The following RASA2 variants were observed in gnomAD, a reference collection of about 807,000 sequenced individuals.
RASA2 encodes the protein ras GTPase-activating protein 2.
In RASA2, 155 loss-of-function variants were observed where a neutral mutation model predicts 118.2. That is an observed-to-expected ratio of 1.31 (90% CI 1.15 to 1.50). The LOEUF (loss-of-function observed/expected upper bound fraction) is 1.50, where lower values mean the gene tolerates loss of function less well. Among genes scored for constraint, RASA2 ranks in the 40% most tolerant of loss-of-function variants. The probability of loss-of-function intolerance (pLI) is 0.00; values close to 1 mark genes in which losing one functional copy is unlikely to be tolerated. For synonymous variants in RASA2, 353 were observed against 349.1 expected, an observed-to-expected ratio of 1.01 and a Z score of -0.12; for missense variants, 1,016 against 1,009.6, an observed-to-expected ratio of 1.01 and a Z score of -0.09.
At chr3:141,490,049 A>G (rs1329609338) in intron 1 of RASA2, among the ~76,000 whole-genome samples, 1 of 151,696 alleles carries the variant, frequency 6.6e-6, no homozygotes, top group Non-Finnish European at 1.5e-5. Flanking sequence ...TATGCGCTCA[A>G]ACGAACCCAG....
intron 14 of RASA2, among the ~76,000 whole-genome samples, chr3:141,574,466 A>G (rs1286494777): frequency 6.6e-6 from 1 of 152,212 alleles, no homozygotes; most frequent in African/African-American, 2.4e-5. Flanking sequence ...CTGGGATTAC[A>G]GGCGTGAGCC....
chr3:141,583,679 G>A (rs918481835), intron 17 of RASA2, among the ~76,000 whole-genome samples: 3 of 152,092 alleles, frequency 2.0e-5, no homozygotes, highest in Admixed American at 6.6e-5. Flanking sequence ...GCAAACAGAA[G>A]TAAACATTCC....
intron 1 of RASA2, among the ~76,000 whole-genome samples, chr3:141,495,722 A>G (rs1209343521): frequency 1.3e-5 from 2 of 152,244 alleles, no homozygotes; most frequent in Non-Finnish European, 2.9e-5. Flanking sequence ...TTTGCCCTGC[A>G]TCAACAGTTG....
At chr3:141,503,972 C>A (rs2081824878) in intron 1 of RASA2, among the ~76,000 whole-genome samples, 1 of 152,178 alleles carries the variant, frequency 6.6e-6, no homozygotes, top group Admixed American at 6.5e-5. Context: ...AGTTTACATA[C>A]AATTTTATGG....
intron 17 of RASA2, among the ~76,000 whole-genome samples, chr3:141,583,650 T>A (rs1270002139): frequency 6.6e-6 from 1 of 152,154 alleles, no homozygotes; most frequent in Non-Finnish European, 1.5e-5. Flanking sequence ...GTTCTTTCAC[T>A]TACCAATATT....
At chr3:141,572,778 T>C in intron 12 of RASA2, 55 bp downstream of exon 12, 2 of 1,308,702 alleles carry the variant, frequency 1.5e-6, no homozygotes, top group East Asian at 2.3e-5. Flanking sequence ...AGTTGTTCTT[T>C]TATCAAGTGA....
At chr3:141,591,939 T>C (rs2083291129) in intron 19 of RASA2, among the ~76,000 whole-genome samples, 1 of 152,128 alleles carries the variant, frequency 6.6e-6, no homozygotes, top group Non-Finnish European at 1.5e-5. Context: ...ATCATGCATT[T>C]ATTCAACAGG....
rs540314854 is a variant in RASA2 at position 141,604,921 on chromosome 3, T to TTAAA, written c.1934-2739_1934-2736dup. Among the ~76,000 whole-genome samples the TTAAA allele has an allele frequency of 2.1e-4, 32 of 151,756 alleles. 2 individuals carry two copies. In the South Asian group the frequency reaches 4.4e-3, roughly 21 times the overall value. On this transcript the variant is annotated intron_variant, in intron 19 of 23. Transcript: ENST00000286364. The stretch of plus-strand genomic sequence containing the variant: ...AAAGTATAACAAAAATATACATATA[T>TTAAA]TAAATAAATAAATAAATAAATTGAA...
chr3:141,605,257 A>G (rs1301342640), intron 19 of RASA2, among the ~76,000 whole-genome samples: 2 of 152,128 alleles, frequency 1.3e-5, no homozygotes, highest in Non-Finnish European at 2.9e-5. Flanking sequence ...TTTTCTCCTG[A>G]ATACTCTTAT....
intron 15 of RASA2, among the ~76,000 whole-genome samples, chr3:141,578,218 A>G (rs2083044023): frequency 6.6e-6 from 1 of 152,230 alleles, no homozygotes. Flanking sequence ...CACAACTGAC[A>G]AATTATGATT....
intron 1 of RASA2, among the ~76,000 whole-genome samples, chr3:141,500,354 TTAAAGA>T (rs1320210413): frequency 6.6e-6 from 1 of 152,220 alleles, no homozygotes. Context: ...TTCAGAACTG[TTAAAGA>T]TAAATCAATG....
At chr3:141,502,141 A>T (rs997517168) in intron 1 of RASA2, among the ~76,000 whole-genome samples, 10 of 152,196 alleles carry the variant, frequency 6.6e-5, no homozygotes, top group African/African-American at 2.4e-4. Flanking sequence ...AAACATTTGA[A>T]ATCTGAAATA....
At position 141,573,148 on chromosome 3, in the gene RASA2, T is replaced by C; in HGVS notation, c.1286T>C (p.Ile429Thr). ...TTAACTGAAAAATTTATTTTTCAGATATGTGACTCCTCAAAATCCTGTGAA... is the reference window on the plus strand; with the variant it reads ...TTAACTGAAAAATTTATTTTTCAGACATGTGACTCCTCAAAATCCTGTGAA... ...KVTLKPILDE[I>T]CDSSKSCEID... The change falls in exon 13 of 24, where the codon ATA (isoleucine) becomes ACA (threonine). Residue 429 changes from isoleucine to threonine, a missense_variant and splice_region_variant. Transcript: ENST00000286364. 6.4e-7 allele frequency: 1 copy of C among 1,553,958 alleles called. No individual in the cohort carries two copies. Among genetic ancestry groups the C allele is most frequent in the Non-Finnish European group, 8.6e-7 (1 of 1,159,218 alleles).
At chr3:141,611,497 A>G (rs1009397736) in intron 23 of RASA2, among the ~76,000 whole-genome samples, 40 of 152,266 alleles carry the variant, frequency 2.6e-4, no homozygotes, top group African/African-American at 9.6e-4. Flanking sequence ...AGCAAGGAAC[A>G]GTGTTTGCCA....
intron 17 of RASA2, among the ~76,000 whole-genome samples, chr3:141,581,647 G>A (rs1164659812): frequency 6.6e-6 from 1 of 152,112 alleles, no homozygotes; most frequent in Non-Finnish European, 1.5e-5. Flanking sequence ...CTGGTCTCTG[G>A]GGGTAAAGGC....
At chr3:141,565,807 T>C (rs2082811249) in intron 9 of RASA2, among the ~76,000 whole-genome samples, 1 of 152,258 alleles carries the variant, frequency 6.6e-6, no homozygotes, top group Non-Finnish European at 1.5e-5. Context: ...GAGTCACCTT[T>C]GCTAACAGGC....
intron 1 of RASA2, among the ~76,000 whole-genome samples, chr3:141,511,702 A>G (rs1344248839): frequency 6.6e-6 from 1 of 152,132 alleles, no homozygotes; most frequent in Non-Finnish European, 1.5e-5. Flanking sequence ...AGAAGAGACA[A>G]CGACTAGAGA....
Position 141,607,713 on chromosome 3 carries a change from A to G in RASA2, c.1969A>G (p.Ile657Val), listed in dbSNP as rs752787738. Residue 657 changes from isoleucine to valine, a missense_variant, in exon 20 of 24, where the codon ATT (isoleucine) becomes GTT (valine). Physicochemically the swap from Ile to Val is conservative, Grantham distance 29. Around this residue, in one of 2 missense-constraint regions of RASA2, gnomAD observed 896 missense variants for 836.4 expected, o/e 1.07. Transcript: ENST00000286364. ...AATCTACACAATCCCAGTAAAAAAC[A>G]TTCTTGCTGTGGAAAAACTGGAAGA... ...DAIYTIPVKN[I>V]LAVEKLEESS... 20 of 1,600,500 alleles carry G rather than the reference A, an allele frequency of 1.2e-5. No homozygotes were observed. Among genetic ancestry groups the G allele is most frequent in the Admixed American group, 1.7e-5 (1 of 57,354 alleles).
intron 3 of RASA2, among the ~76,000 whole-genome samples, chr3:141,516,837 G>A (rs376785289): frequency 1.7e-4 from 25 of 150,654 alleles, no homozygotes; most frequent in Non-Finnish European, 3.2e-4. Flanking sequence ...GCAGTGGTGC[G>A]ATCTTGGCTC....
Sources: gnomAD v4.1 joint callset for allele counts (sites outside exome capture counted in the v4.1 genomes callset) on GRCh38, gnomAD v4.1.1 for gene constraint, gnomAD v4.1.1 regional missense constraint, MANE v1.5 for transcripts, NCBI Gene and HGNC (gene_info 2026-07-23, HGNC 2026-07-21) for gene names.